Variants in ARHGAP32 observed in about 807,000 individuals in gnomAD.
ARHGAP32 encodes rho GTPase-activating protein 32.
Under a neutral mutation model 186.5 loss-of-function variants are expected in ARHGAP32, and 51 were observed. The observed-to-expected ratio is 0.27, with a 90% CI of 0.22 to 0.35. The LOEUF (loss-of-function observed/expected upper bound fraction) is 0.35, where lower values mean the gene tolerates loss of function less well. Ranked by LOEUF, ARHGAP32 falls within the 10% of genes least tolerant of loss-of-function variation. ARHGAP32 has a pLI of 1.00. For missense variants in ARHGAP32, 2,186 were observed against 2,623.5 expected, an observed-to-expected ratio of 0.83 and a Z score of 3.64; for synonymous variants, 950 against 964.3, an observed-to-expected ratio of 0.99 and a Z score of 0.27.
chr11:129,255,706 G>A (rs1472825747), intron 1 of ARHGAP32, among the ~76,000 whole-genome samples: 2 of 151,876 alleles, frequency 1.3e-5, no homozygotes, highest in South Asian at 2.1e-4. Flanking sequence ...ATGGGCAAAA[G>A]GCATAAACAG....
chr11:129,185,549 T>TAC (rs1944142618), intron 1 of ARHGAP32, among the ~76,000 whole-genome samples: 1 of 152,142 alleles, frequency 6.6e-6, no homozygotes, highest in Non-Finnish European at 1.5e-5. Flanking sequence ...CATGTATACA[T>TAC]ATGTAACAAA....
intron 2 of ARHGAP32, among the ~76,000 whole-genome samples, chr11:129,137,120 T>C (rs1942952652): frequency 6.6e-6 from 1 of 151,700 alleles, no homozygotes; most frequent in East Asian, 1.9e-4. Context: ...TGCTATGAAG[T>C]AGTCTTCAGT....
chr11:128,970,605 G>A lies in ARHGAP32; in HGVS notation c.4608C>T (p.Ala1536=), dbSNP rs200090887. 2.4e-5 allele frequency: 39 copies of A among 1,614,158 alleles called. No individual in the cohort carries two copies. Among genetic ancestry groups the A allele is most frequent in the Non-Finnish European group, 2.6e-5 (31 of 1,180,018 alleles). ...NKLEQHQVYG[A]RSEPPASMGL... ...CCATGGAGGCTGGTGGCTCTGACCT[G>A]GCACCATACACTTGGTGCTGCTCCA... Residue 1536 remains alanine, a synonymous_variant, in exon 23 of 23, where the codon GCC becomes GCT. Coordinates refer to ENST00000682385, the MANE Select transcript of ARHGAP32 (RefSeq NM_001378024.1). This position sits in a 1 kb window ranked among gnomAD's most constrained non-coding sequence, Gnocchi z 5.8.
intron 10 of ARHGAP32, among the ~76,000 whole-genome samples, chr11:129,062,012 G>C (rs568196106): frequency 6.6e-6 from 1 of 152,268 alleles, no homozygotes; most frequent in East Asian, 1.9e-4. Context: ...CACAGGCCTT[G>C]TAACCTAAAA....
rs61746237 is a variant in ARHGAP32 at position 128,969,627 on chromosome 11, C to T, written c.5586G>A (p.Thr1862=). The change falls in exon 23 of 23, where the codon ACG becomes ACA. Residue 1862 remains threonine (T), a synonymous_variant. Transcript: ENST00000682385. This position sits in a 1 kb window ranked among gnomAD's most constrained non-coding sequence, Gnocchi z 4.8. Reference sequence around the variant, plus strand: ...GAGGCAGGGATGGCTTCTCCGGCTGCGTGCTACCATGGCCTCCGTGATGGT... The same window carrying T: ...GAGGCAGGGATGGCTTCTCCGGCTGTGTGCTACCATGGCCTCCGTGATGGT... The part of the protein sequence containing the change: ...RAHHHGGHGS[T]QPEKPSLPQK... The T allele has an allele frequency of 2.0e-4, 315 of 1,614,032 alleles. No individual in the cohort carries two copies. The African/African-American group carries it at 3.5e-3, about 18-fold the overall frequency.
chr11:128,987,948 TA>T (rs1170771869), intron 13 of ARHGAP32, 74 bp downstream of exon 13: 2 of 949,598 alleles, frequency 2.1e-6, no homozygotes, highest in African/African-American at 1.6e-5. Context: ...GTTATCAAAG[TA>T]AGTGAATCTG....
At chr11:129,010,887 C>T (rs1850823239) in intron 11 of ARHGAP32, among the ~76,000 whole-genome samples, 1 of 152,078 alleles carries the variant, frequency 6.6e-6, no homozygotes, top group South Asian at 2.1e-4. Context: ...AAATAATTGT[C>T]AAATTTGGTA....
chr11:129,085,296 G>A (rs1011258144), intron 6 of ARHGAP32, among the ~76,000 whole-genome samples: 30 of 151,984 alleles, frequency 2.0e-4, no homozygotes, highest in Non-Finnish European at 2.4e-4. Flanking sequence ...AAAGTGCTGG[G>A]ATTACAGGCA....
intron 5 of ARHGAP32, among the ~76,000 whole-genome samples, chr11:129,107,267 T>C (rs771221902): frequency 1.6e-4 from 25 of 152,012 alleles, no homozygotes; most frequent in African/African-American, 5.8e-4. Flanking sequence ...CCCCAAAAAA[T>C]AGAACTGAAA....
intron 15 of ARHGAP32, among the ~76,000 whole-genome samples, chr11:128,982,793 G>C (rs547089277): frequency 4.0e-5 from 6 of 151,056 alleles, no homozygotes; most frequent in Non-Finnish European, 5.9e-5. Context: ...GGGAGGCTGA[G>C]GCAGGAGGAT....
At chr11:129,257,067 A>C (rs1364706504) in intron 1 of ARHGAP32, among the ~76,000 whole-genome samples, 1 of 152,184 alleles carries the variant, frequency 6.6e-6, no homozygotes, top group Non-Finnish European at 1.5e-5. Flanking sequence ...CTACCTCAGT[A>C]GGAAGGGAAG....
intron 1 of ARHGAP32, among the ~76,000 whole-genome samples, chr11:129,273,691 G>T (rs1373906743): frequency 6.6e-6 from 1 of 152,188 alleles, no homozygotes; most frequent in Admixed American, 6.5e-5. Context: ...TTTCTCCAAT[G>T]AAAGGAGGAA....
At chr11:129,170,665 GA>G (rs1443292857) in intron 1 of ARHGAP32, among the ~76,000 whole-genome samples, 1 of 152,170 alleles carries the variant, frequency 6.6e-6, no homozygotes, top group Non-Finnish European at 1.5e-5. Context: ...CTTTATAGTA[GA>G]ATGATTTATA....
chr11:129,233,127 G>A (rs886693813), intron 1 of ARHGAP32, among the ~76,000 whole-genome samples: 1 of 151,872 alleles, frequency 6.6e-6, no homozygotes, highest in Admixed American at 6.6e-5. Flanking sequence ...ATGAAAACAA[G>A]TAATGCTAAA....
At chr11:129,239,844 T>C (rs1944990788) in intron 1 of ARHGAP32, among the ~76,000 whole-genome samples, 1 of 152,090 alleles carries the variant, frequency 6.6e-6, no homozygotes, top group Admixed American at 6.6e-5. Flanking sequence ...GTTAAATTTT[T>C]TCCCAAAACT....
chr11:129,174,980 G>A (rs1409755789), intron 1 of ARHGAP32, among the ~76,000 whole-genome samples: 15 of 141,758 alleles, frequency 1.1e-4, no homozygotes, highest in South Asian at 4.6e-4. Flanking sequence ...GGCTTCAGAC[G>A]ATCAAATTAC....
At chr11:129,177,314 G>C (rs1224504506) in intron 1 of ARHGAP32, among the ~76,000 whole-genome samples, 1 of 151,936 alleles carries the variant, frequency 6.6e-6, no homozygotes, top group South Asian at 2.1e-4. Flanking sequence ...CAACCAAAAA[G>C]AGTCCAGGAC....
chr11:129,251,811 G>T (rs1002081484), intron 1 of ARHGAP32, among the ~76,000 whole-genome samples: 1 of 151,368 alleles, frequency 6.6e-6, no homozygotes. Flanking sequence ...AGGTGTGCCT[G>T]TAATCCCAGC....
intron 1 of ARHGAP32, among the ~76,000 whole-genome samples, chr11:129,228,459 TAA>T (rs547225203): frequency 2.6e-4 from 39 of 152,292 alleles, no homozygotes; most frequent in Admixed American, 8.5e-4. Context: ...TTCTTCCTTT[TAA>T]AAGACAACAA....
Sources: gnomAD v4.1 joint callset for allele counts (sites outside exome capture counted in the v4.1 genomes callset) on GRCh38, gnomAD v4.1.1 for gene constraint, Gnocchi (gnomAD v3.1) non-coding constraint, MANE v1.5 for transcripts, NCBI Gene and HGNC (gene_info 2026-07-23, HGNC 2026-07-21) for gene names.